ZBTB44: variants seen among roughly 807,000 people sequenced by gnomAD.
ZBTB44 encodes zinc finger and BTB domain-containing protein 44.
In ZBTB44, 15 loss-of-function variants were observed where a neutral mutation model predicts 54.0. That is an observed-to-expected ratio of 0.28 (90% CI 0.19 to 0.43). The LOEUF is 0.43. ZBTB44 is among the 20% of genes least tolerant of loss of function. ZBTB44 has a pLI of 1.00. For synonymous variants in ZBTB44, 230 were observed against 250.1 expected, an observed-to-expected ratio of 0.92 and a Z score of 0.76; for missense variants, 487 against 707.1, an observed-to-expected ratio of 0.69 and a Z score of 3.53.
intron 2 of ZBTB44, among the ~76,000 whole-genome samples, chr11:130,247,107 C>T (rs1013538872): frequency 1.3e-5 from 2 of 152,172 alleles, no homozygotes; most frequent in Non-Finnish European, 2.9e-5. Flanking sequence ...TCCCTGAAAT[C>T]ACCCAACACA....
At chr11:130,296,953 G>T in intron 1 of ZBTB44, 1 of 747,406 alleles carries the variant, frequency 1.3e-6, no homozygotes, top group Non-Finnish European at 2.5e-6. Flanking sequence ...AAGCGAGGAG[G>T]TGGTGGTGGA....
chr11:130,287,426 T>C (rs1169081567), intron 1 of ZBTB44, among the ~76,000 whole-genome samples: 2 of 152,236 alleles, frequency 1.3e-5, no homozygotes, highest in Admixed American at 6.5e-5. Flanking sequence ...TAGTCTTCAT[T>C]AGTTTTTTCT....
intron 1 of ZBTB44, among the ~76,000 whole-genome samples, chr11:130,278,896 C>A (rs1940301333): frequency 6.6e-6 from 1 of 152,022 alleles, no homozygotes; most frequent in Admixed American, 6.6e-5. Context: ...ATTTTGAAGT[C>A]TTTTCTGTTA....
At chr11:130,260,435 G>C (rs1938779103) in intron 2 of ZBTB44, among the ~76,000 whole-genome samples, 1 of 152,178 alleles carries the variant, frequency 6.6e-6, no homozygotes, top group Admixed American at 6.5e-5. Context: ...GAGCACTTTT[G>C]ATAGTTCACT....
chr11:130,233,090 C>T, intron 7 of ZBTB44: 1 of 445,246 alleles, frequency 2.2e-6, no homozygotes, highest in South Asian at 5.2e-5. Context: ...ACATCCCCAA[C>T]AACACATAAA....
At chr11:130,288,333 C>T (rs1188664856) in intron 1 of ZBTB44, among the ~76,000 whole-genome samples, 1 of 151,672 alleles carries the variant, frequency 6.6e-6, no homozygotes, top group African/African-American at 2.4e-5. Flanking sequence ...GAGATCATGC[C>T]ACTGTTCTCC....
At chr11:130,278,313 A>G (rs1420917602) in intron 1 of ZBTB44, among the ~76,000 whole-genome samples, 2 of 152,218 alleles carry the variant, frequency 1.3e-5, no homozygotes, top group African/African-American at 4.8e-5. Flanking sequence ...TCAGTACCTC[A>G]TATGATTTAT....
chr11:130,304,738 CATTTT>C (rs1223769992), intron 1 of ZBTB44, among the ~76,000 whole-genome samples: 5 of 152,020 alleles, frequency 3.3e-5, no homozygotes, highest in Admixed American at 6.6e-5. Context: ...TAGTCAGTAA[CATTTT>C]ATTTTGAAAA....
intron 1 of ZBTB44, among the ~76,000 whole-genome samples, chr11:130,286,019 C>T (rs935170025): frequency 6.6e-6 from 1 of 152,160 alleles, no homozygotes; most frequent in East Asian, 1.9e-4. Flanking sequence ...AACTCATATT[C>T]GATCTGTTCA....
intron 3 of ZBTB44, 154 bp from the exon 4 acceptor site, chr11:130,238,761 G>T: frequency 2.6e-6 from 2 of 780,634 alleles, no homozygotes; most frequent in East Asian, 3.1e-5. Flanking sequence ...TTAACAATAT[G>T]AAAAACAATG....
At chr11:130,313,912 GTGTGTGTGTGTA>G (rs1304037085) in intron 1 of ZBTB44, among the ~76,000 whole-genome samples, 23 of 134,540 alleles carry the variant, frequency 1.7e-4, no homozygotes, top group African/African-American at 4.8e-4. Flanking sequence ...AAAGAGGTGT[GTGTGTGTGTGTA>G]TGTGTGTGTG....
chr11:130,313,966 AT>A (rs1555059256), intron 1 of ZBTB44, among the ~76,000 whole-genome samples: 1 of 116,236 alleles, frequency 8.6e-6, no homozygotes, highest in African/African-American at 2.8e-5. Flanking sequence ...ATATATATAT[AT>A]TTTTTTAAAG....
chr11:130,275,196 G>A (rs1388389481), intron 1 of ZBTB44, among the ~76,000 whole-genome samples: 4 of 151,972 alleles, frequency 2.6e-5, no homozygotes, highest in African/African-American at 9.7e-5. Flanking sequence ...GTGGAGGGGC[G>A]AGGTCATTCA....
chr11:130,285,969 G>C (rs942655379), intron 1 of ZBTB44: 1 of 149,352 alleles, frequency 6.7e-6, no homozygotes, highest in Non-Finnish European at 1.5e-5. Flanking sequence ...TTTCTATAAA[G>C]GAACTGTTCT....
chr11:130,286,730 T>C (rs936441531), intron 1 of ZBTB44, among the ~76,000 whole-genome samples: 3 of 152,228 alleles, frequency 2.0e-5, no homozygotes, highest in African/African-American at 7.2e-5. Flanking sequence ...GCATGTCCAC[T>C]AGGTAGAACA....
chr11:130,286,143 G>A (rs1023404799), intron 1 of ZBTB44, among the ~76,000 whole-genome samples: 1 of 152,074 alleles, frequency 6.6e-6, no homozygotes, highest in South Asian at 2.1e-4. Context: ...AGACTGAGAC[G>A]AAATCAGGCA....
At chr11:130,262,487 A>G (rs887636176) in intron 1 of ZBTB44, among the ~76,000 whole-genome samples, 2 of 152,142 alleles carry the variant, frequency 1.3e-5, no homozygotes, top group African/African-American at 4.8e-5. Flanking sequence ...GTTTGTAAAT[A>G]ATGACAATTA....
chr11:130,288,303 G>A (rs950206117), intron 1 of ZBTB44, among the ~76,000 whole-genome samples: 6 of 152,022 alleles, frequency 3.9e-5, no homozygotes, highest in African/African-American at 1.2e-4. Context: ...GAACCCAGGA[G>A]GTAGAGGTTG....
chr11:130,262,624 CA>C (rs1938955322), intron 1 of ZBTB44, among the ~76,000 whole-genome samples: 1 of 151,716 alleles, frequency 6.6e-6, no homozygotes. Flanking sequence ...ATGCAGCAGG[CA>C]ATGCCAGTGT....
Sources: gnomAD v4.1 joint callset for allele counts (sites outside exome capture counted in the v4.1 genomes callset) on GRCh38, gnomAD v4.1.1 for gene constraint, MANE v1.5 for transcripts, NCBI Gene and HGNC (gene_info 2026-07-23, HGNC 2026-07-21) for gene names.